Variants in GPC5 observed in about 807,000 individuals in gnomAD.
GPC5 encodes the protein glypican-5.
A neutral mutation model predicts 53.9 loss-of-function variants in GPC5; 47 were observed. The ratio of observed to expected loss-of-function variants is 0.87; its 90% confidence interval spans 0.69 to 1.11. The LOEUF (loss-of-function observed/expected upper bound fraction) is 1.11, where lower values mean the gene tolerates loss of function less well. Ranked by LOEUF, GPC5 falls within the 50% of genes most tolerant of loss-of-function variation. The probability of loss-of-function intolerance (pLI) is 0.00; values close to 1 mark genes in which losing one functional copy is unlikely to be tolerated. For missense variants in GPC5, 748 were observed against 713.1 expected, an observed-to-expected ratio of 1.05 and a Z score of -0.56; for synonymous variants, 286 against 263.3, an observed-to-expected ratio of 1.09 and a Z score of -0.84.
chr13:91,664,799 G>A (rs573971445), intron 2 of GPC5, among the ~76,000 whole-genome samples: 15 of 152,282 alleles, frequency 9.9e-5, no homozygotes, highest in Admixed American at 9.2e-4. Context: ...ATCCAAAGAT[G>A]ATACTAAACT....
At chr13:92,583,545 C>T (rs1883437121) in intron 7 of GPC5, among the ~76,000 whole-genome samples, 1 of 152,110 alleles carries the variant, frequency 6.6e-6, no homozygotes, top group African/African-American at 2.4e-5. Flanking sequence ...ACAGTGGAGT[C>T]ATTACTGTCT....
chr13:91,716,059 A>C (rs1332441186), intron 3 of GPC5, among the ~76,000 whole-genome samples: 1 of 151,970 alleles, frequency 6.6e-6, no homozygotes, highest in Non-Finnish European at 1.5e-5. Flanking sequence ...GATTACAGGC[A>C]TGAGCCACCA....
At chr13:91,533,051 A>G (rs770267477) in intron 2 of GPC5, among the ~76,000 whole-genome samples, 1 of 152,226 alleles carries the variant, frequency 6.6e-6, no homozygotes, top group Admixed American at 6.5e-5. Context: ...ACTCTGGAAG[A>G]TAAGAACTTT....
chr13:91,442,847 A>G (rs1346779338), intron 1 of GPC5, among the ~76,000 whole-genome samples: 6 of 152,240 alleles, frequency 3.9e-5, no homozygotes, highest in African/African-American at 1.2e-4. Context: ...TAATGGTGAC[A>G]TTCAAAGTTT....
intron 7 of GPC5, among the ~76,000 whole-genome samples, chr13:92,406,949 T>A (rs575969606): frequency 1.8e-4 from 28 of 152,338 alleles, no homozygotes; most frequent in African/African-American, 4.6e-4. Context: ...CAGATTTTTT[T>A]AAATCTAATT....
At chr13:92,725,214 C>T (rs1026722016) in intron 7 of GPC5, among the ~76,000 whole-genome samples, 3 of 151,434 alleles carry the variant, frequency 2.0e-5, no homozygotes, top group East Asian at 3.9e-4. Context: ...CAGCCACATT[C>T]GTGCCTATTT....
intron 6 of GPC5, among the ~76,000 whole-genome samples, chr13:91,973,174 TC>T (rs2040261059): frequency 6.6e-6 from 1 of 152,192 alleles, no homozygotes; most frequent in Admixed American, 6.5e-5. Context: ...TTCTTTTTAT[TC>T]TTTTTTCTCT....
At chr13:92,167,397 C>T (rs1259638095) in intron 7 of GPC5, among the ~76,000 whole-genome samples, 2 of 152,106 alleles carry the variant, frequency 1.3e-5, no homozygotes, top group Non-Finnish European at 2.9e-5. Flanking sequence ...TATAAAACTT[C>T]AGATTCCACA....
At chr13:92,631,801 G>T (rs1033119874) in intron 7 of GPC5, among the ~76,000 whole-genome samples, 9 of 152,146 alleles carry the variant, frequency 5.9e-5, no homozygotes, top group African/African-American at 2.2e-4. Flanking sequence ...CTCATGCGAT[G>T]TATCACAGCC....
At chr13:92,579,345 C>G (rs1274942233) in intron 7 of GPC5, among the ~76,000 whole-genome samples, 1 of 134,920 alleles carries the variant, frequency 7.4e-6, no homozygotes, top group Non-Finnish European at 1.6e-5. Context: ...CTCTCTGCTT[C>G]ATTACCCTTC....
At chr13:91,942,112 T>A (rs993629480) in intron 6 of GPC5, among the ~76,000 whole-genome samples, 4 of 152,118 alleles carry the variant, frequency 2.6e-5, no homozygotes, top group Non-Finnish European at 5.9e-5. Flanking sequence ...AATACCATAC[T>A]GTTAACTATA....
chr13:92,343,337 C>T lies in GPC5; in HGVS notation c.1561+198348C>T, dbSNP rs565794527. On this transcript the variant is annotated intron_variant, in intron 7 of 7. Coordinates refer to ENST00000377067, the MANE Select transcript of GPC5 (RefSeq NM_004466.6). ...TGGAAGAGCAAGTGAGATTCAATTG[C>T]CCTATATTATGAAAAAGCGTATAAT... 2.0e-4 allele frequency among the ~76,000 whole-genome samples: 31 copies of T among 152,218 alleles called. 1 individual carries two copies. The highest frequency in any genetic ancestry group is 4.0e-4 in the Non-Finnish European group (27 of 68,002).
rs141579839 is a variant in GPC5, at chr13:92,602,890, G to A, written c.1562-263392G>A. ...AAGATACAAAGCAGTAACAGTAAAG[G>A]GGAAAGCCACATGAGGTGTAGTCTG... On this transcript the variant is annotated intron_variant, in intron 7 of 7. Transcript: ENST00000377067. 4.5e-3 allele frequency among the ~76,000 whole-genome samples: 686 copies of A among 152,192 alleles called. 2 individuals are homozygous for A. Among genetic ancestry groups the A allele is most frequent in the Middle Eastern group, 0.024 (7 of 294 alleles).
chr13:91,939,717 C>T (rs2039907005), intron 6 of GPC5, among the ~76,000 whole-genome samples: 2 of 152,236 alleles, frequency 1.3e-5, no homozygotes, highest in South Asian at 4.1e-4. Flanking sequence ...CTTTAGATGA[C>T]TTCAGAAGAT....
chr13:91,658,812 G>A (rs2034912899), intron 2 of GPC5, among the ~76,000 whole-genome samples: 1 of 152,098 alleles, frequency 6.6e-6, no homozygotes, highest in Non-Finnish European at 1.5e-5. Context: ...AATGTGCAAA[G>A]TTACTTCCTA....
chr13:92,351,498 C>T (rs560322103), intron 7 of GPC5, among the ~76,000 whole-genome samples: 2 of 151,904 alleles, frequency 1.3e-5, no homozygotes, highest in South Asian at 2.1e-4. Flanking sequence ...TGTTTCAAGG[C>T]CCTACCTCAG....
intron 7 of GPC5, among the ~76,000 whole-genome samples, chr13:92,265,251 A>G (rs1363706787): frequency 2.6e-5 from 4 of 152,172 alleles, no homozygotes; most frequent in African/African-American, 9.6e-5. Flanking sequence ...CTTTTAATTT[A>G]TAAATTCCAT....
chr13:92,172,824 A>G (rs2042080102), intron 7 of GPC5, among the ~76,000 whole-genome samples: 1 of 152,072 alleles, frequency 6.6e-6, no homozygotes, highest in Non-Finnish European at 1.5e-5. Context: ...TTCCAATTTC[A>G]GCAGTTTAAT....
At chr13:92,771,411 C>T (rs1249232333) in intron 7 of GPC5, among the ~76,000 whole-genome samples, 4 of 152,086 alleles carry the variant, frequency 2.6e-5, no homozygotes, top group African/African-American at 9.7e-5. Context: ...GGCGTGATTT[C>T]GGCTCACTGC....
Sources: gnomAD v4.1 joint callset for allele counts (sites outside exome capture counted in the v4.1 genomes callset) on GRCh38, gnomAD v4.1.1 for gene constraint, MANE v1.5 for transcripts, NCBI Gene and HGNC (gene_info 2026-07-23, HGNC 2026-07-21) for gene names.